Variants in TSC2 observed in about 807,000 individuals in gnomAD.
The protein encoded by TSC2 is TSC complex subunit 2, also known as tuberin.
A neutral mutation model predicts 202.2 loss-of-function variants in TSC2; 29 were observed. The ratio of observed to expected loss-of-function variants is 0.14; its 90% CI spans 0.11 to 0.20. The LOEUF is 0.20. Among genes scored for constraint, TSC2 ranks in the 10% least tolerant of loss-of-function variants. TSC2 has a pLI of 1.00. For missense variants in TSC2, 2,429 were observed against 2,420.0 expected (o/e 1.00, Z -0.08); for synonymous variants, 1,349 against 1,044.0 (o/e 1.29, Z -5.63).
chr16:2,081,521 G>A (rs1367690194), intron 30 of TSC2, 74 bp from the exon 31 acceptor site: 1 of 1,582,758 alleles, frequency 6.3e-7, no homozygotes, highest in Admixed American at 1.7e-5. Context: ...GCCCAGGCCA[G>A]GAGGCCCCTG....
chr16:2,060,583 T>A, intron 10 of TSC2, 87 bp from the exon 11 acceptor site: 1 of 1,606,976 alleles, frequency 6.2e-7, no homozygotes, highest in Non-Finnish European at 8.5e-7. Context: ...TCAGGCGTGC[T>A]ACTCTCGGTC....
At chr16:2,070,676 G>A in intron 17 of TSC2, 98 bp downstream of exon 17, 2 of 1,575,186 alleles carry the variant, frequency 1.3e-6, no homozygotes, top group Non-Finnish European at 1.7e-6. Context: ...GACGGCCCCA[G>A]GATGGGGCCT....
rs769653533 is a variant in TSC2 at position 2,084,359 on chromosome 16, G to T, written c.4137G>T (p.Ser1379=). ...CTGTGGACCTCTCCTTCCAGCCCTCGCAGCCCCTGAGCAAGTCCAGCTCCT... is the reference window on the plus strand; with the variant it reads ...CTGTGGACCTCTCCTTCCAGCCCTCTCAGCCCCTGAGCAAGTCCAGCTCCT... ...RPSVDLSFQP[S]QPLSKSSSSP... Residue 1379 remains serine, a synonymous_variant, in exon 34 of 42, where the codon TCG becomes TCT. Coordinates refer to ENST00000219476, the MANE Select transcript of TSC2 (RefSeq NM_000548.5). 1.2e-6 allele frequency: 2 copies of T among 1,612,532 alleles called. No homozygotes were observed. Among genetic ancestry groups the T allele is most frequent in the Non-Finnish European group, 1.7e-6 (2 of 1,179,944 alleles).
Position 2,070,557 on chromosome 16 carries a change from C to T in TSC2, c.1818C>T (p.Ile606=), listed in dbSNP as rs547389841. The part of the protein sequence containing the change: ...LHYKHSYTLP[I]ASSIRLQAFD... ...ACAAGCACAGCTACACCCTGCCAAT[C>T]GCGAGCAGCATCCGGCTGCAGGTAT... The change falls in exon 17 of 42, where the codon ATC becomes ATT. Residue 606 remains isoleucine (I), a synonymous_variant. Transcript: ENST00000219476. 2.7e-5 allele frequency: 44 copies of T among 1,613,174 alleles called. No individual in the cohort carries two copies. Among genetic ancestry groups the T allele is most frequent in the South Asian group, 2.1e-4 (19 of 91,086 alleles).
chr16:2,073,833 C>T (rs1201167288), intron 21 of TSC2, among the ~76,000 whole-genome samples: 1 of 152,410 alleles, frequency 6.6e-6, no homozygotes, highest in South Asian at 2.1e-4. Context: ...GAGCTCCGCT[C>T]ATCTTCTGCT....
intron 21 of TSC2, among the ~76,000 whole-genome samples, chr16:2,073,921 A>G (rs2088867581): frequency 6.6e-6 from 1 of 152,228 alleles, no homozygotes; most frequent in Non-Finnish European, 1.5e-5. Flanking sequence ...GCCCCTTGCA[A>G]CAGAGCCAGC....
At position 2,057,185 on chromosome 16, in the gene TSC2, G is replaced by A. The variant is rs45442896; in HGVS notation, c.848+7G>A. ...GCCACCTCATGGAGGACAGGTGAGT[G>A]TGGTGGGTGGGGCGCAGGGCAGTGG... On this transcript the variant is annotated splice_region_variant and intron_variant, in intron 9 of 41. Transcript: ENST00000219476. 1,013 of 1,551,680 alleles carry A rather than the reference G, an allele frequency of 6.5e-4. 9 individuals carry two copies. In the African/African-American group the frequency reaches 0.013, roughly 19 times the overall value.
rs1060500944 is a variant in TSC2 at position 2,065,546 on chromosome 16, C to T, written c.1627C>T (p.Pro543Ser). The change falls in exon 16 of 42, where the codon CCG becomes TCG. Residue 543 changes from proline to serine, a missense_variant. Transcript: ENST00000219476. ...GATGGCCCGCTCCCTCTCCCCACCCCCGGAGCTGGAAGAAAGGGATGTGGC... is the reference window on the plus strand; with the variant it reads ...GATGGCCCGCTCCCTCTCCCCACCCTCGGAGCTGGAAGAAAGGGATGTGGC... ...KVMARSLSPP[P>S]ELEERDVAAY... 3.1e-6 allele frequency: 5 copies of T among 1,613,672 alleles called. No homozygotes were observed. The African/African-American group carries it at 6.7e-5, about 22-fold the overall frequency.
rs2151071760 is a variant in TSC2, at chr16:2,056,257, C to T, written c.648+13C>T. The T allele has an allele frequency of 6.2e-6, 10 of 1,613,952 alleles. No individual in the cohort carries two copies. The highest frequency in any genetic ancestry group is 7.6e-6 in the Non-Finnish European group (9 of 1,180,030). ...TGTGGACATAGAGGTCAGTGCCTCC[C>T]CTCCCCAGGGCCGGCCCATTTCACC... is the stretch of plus-strand genomic sequence containing the variant. On this transcript the variant is annotated intron_variant, in intron 7 of 41. Coordinates refer to ENST00000219476, the MANE Select transcript of TSC2 (RefSeq NM_000548.5).
In TSC2 at chr16:2,084,332, C is replaced by G. The variant is rs771107874; in HGVS notation, c.4110C>G (p.Pro1370=). ...ERVVSSEGGR[P]SVDLSFQPSQ... is the part of the protein sequence containing the mutation. ...TCGTCTCCTCGGAGGGTGGCCGGCC[C>G]TCTGTGGACCTCTCCTTCCAGCCCT... Residue 1370 remains proline (P), a synonymous_variant, in exon 34 of 42, where the codon CCC becomes CCG. Transcript: ENST00000219476. 6.2e-7 allele frequency: 1 copy of G among 1,612,766 alleles called. No homozygotes were observed. Among genetic ancestry groups the G allele is most frequent in the Non-Finnish European group, 8.5e-7 (1 of 1,179,988 alleles).
chr16:2,064,596 C>G (rs534273456), intron 15 of TSC2, 169 bp downstream of exon 15: 3 of 988,272 alleles, frequency 3.0e-6, no homozygotes, highest in East Asian at 2.6e-5. Context: ...GGGCCTGCCA[C>G]TGCTGGATTT....
chr16:2,058,948 G>A (rs2086262582), intron 10 of TSC2, 75 bp downstream of exon 10: 1 of 1,563,860 alleles, frequency 6.4e-7, no homozygotes, highest in Non-Finnish European at 8.6e-7. Flanking sequence ...CCATCCCACT[G>A]GGGGTCCTGC....
At position 2,081,511 on chromosome 16, in the gene TSC2, G is replaced by A. The variant is rs1168684005; in HGVS notation, c.3611-84G>A. ...GAGGGAGCATGAGGGCAAAACCAGG[G>A]CCCAGGCCAGGAGGCCCCTGGGGGG... is the stretch of plus-strand genomic sequence containing the variant. On this transcript the variant is annotated intron_variant, in intron 30 of 41. Coordinates refer to ENST00000219476, the MANE Select transcript of TSC2 (RefSeq NM_000548.5). The A allele has an allele frequency of 4.0e-5, 63 of 1,573,280 alleles. 1 individual carries two copies. The South Asian group carries it at 5.9e-4, about 15-fold the overall frequency.
At chr16:2,076,689 C>T (rs899327690) in intron 25 of TSC2, 104 bp downstream of exon 25, 3 of 1,167,770 alleles carry the variant, frequency 2.6e-6, no homozygotes, top group East Asian at 2.5e-5. Flanking sequence ...GAAATGGGTC[C>T]TGTGTGCCCT....
chr16:2,069,754 A>G (rs975914782), intron 16 of TSC2, among the ~76,000 whole-genome samples: 2 of 152,190 alleles, frequency 1.3e-5, no homozygotes, highest in Non-Finnish European at 2.9e-5. Context: ...TGCTGGGATT[A>G]CAGGCGTGAG....
rs1164781795 is a variant in TSC2 at position 2,085,286 on chromosome 16, C to T, written c.4626C>T (p.Thr1542=). The change falls in exon 36 of 42, where the codon ACC becomes ACT. Residue 1542 remains threonine, a synonymous_variant. Transcript: ENST00000219476. ...QLLDQIPSYD[T]HKIAVLYVGE... ...TCGACCAGATCCCATCATACGACAC[C>T]CACAAGATCGCCGTCCTGTATGTTG... The T allele has an allele frequency of 6.2e-7, 1 of 1,612,742 alleles. No homozygotes were observed. The highest frequency in any genetic ancestry group is 8.5e-7 in the Non-Finnish European group (1 of 1,179,940).
At chr16:2,048,309 A>C (rs1297606134) in intron 1 of TSC2, 9 of 1,043,260 alleles carry the variant, frequency 8.6e-6, no homozygotes, top group Non-Finnish European at 1.3e-5. Flanking sequence ...GGCTCCCAGG[A>C]CTTCGCGGCG....
In TSC2 at chr16:2,062,972, G is replaced by A. The variant is rs374252944; in HGVS notation, c.1362G>A (p.Arg454=). 3 of 1,550,412 alleles carry A rather than the reference G, an allele frequency of 1.9e-6. No individual in the cohort carries two copies. The highest frequency in any genetic ancestry group is 2.6e-6 in the Non-Finnish European group (3 of 1,146,808). The change falls in exon 14 of 42, where the codon AGG becomes AGA. Residue 454 remains arginine (R), a splice_region_variant and synonymous_variant. Transcript: ENST00000219476. ...NLQALMERFF[R]SESRGAVRIK... ...GCCCCAGCAGGCTGCCGTCCCGCAG[G>A]AGCGAGTCCCGAGGCGCCGTGCGCA...
At chr16:2,084,765 C>G (rs1055716629) in intron 34 of TSC2, 50 bp downstream of exon 34, 13 of 1,598,344 alleles carry the variant, frequency 8.1e-6, no homozygotes, top group East Asian at 2.2e-5. Flanking sequence ...CCTGCGGGAA[C>G]CTGGTGCCTC....
Sources: gnomAD v4.1 joint callset for allele counts (sites outside exome capture counted in the v4.1 genomes callset) on GRCh38, gnomAD v4.1.1 for gene constraint, MANE v1.5 for transcripts, NCBI Gene and HGNC (gene_info 2026-07-23, HGNC 2026-07-21) for gene names.